The following RADIL variants were observed in gnomAD, a reference collection of about 807,000 sequenced individuals.
RADIL encodes Rap associating with DIL domain.
Under a neutral mutation model 97.6 loss-of-function variants are expected in RADIL, and 99 were observed. That is an observed-to-expected ratio of 1.01 (90% CI 0.86 to 1.20). The LOEUF is 1.20. RADIL is among the 50% of genes most tolerant of loss of function. The pLI is 0.00. For missense variants in RADIL, 1,765 were observed against 1,498.9 expected, an observed-to-expected ratio of 1.18 and a Z score of -2.93; for synonymous variants, 803 against 691.8, an observed-to-expected ratio of 1.16 and a Z score of -2.52.
At chr7:4,844,309 G>C (rs928188333) in intron 2 of RADIL, among the ~76,000 whole-genome samples, 7 of 151,822 alleles carry the variant, frequency 4.6e-5, no homozygotes, top group African/African-American at 1.7e-4. Context: ...GCTGAGTGTG[G>C]TGGCACGCGC....
intron 12 of RADIL, 21 bp downstream of exon 12, chr7:4,801,632 T>TGGGTGACAAGAAG: frequency 6.3e-7 from 1 of 1,575,064 alleles, no homozygotes; most frequent in Non-Finnish European, 8.6e-7. Context: ...GGTTCCCGCC[T>TGGGTGACAAGAAG]GAGCACCAGG....
At chr7:4,877,569 A>G (rs1583331246) in intron 2 of RADIL, 36 bp downstream of exon 2, 1 of 1,559,478 alleles carries the variant, frequency 6.4e-7, no homozygotes, top group African/African-American at 1.4e-5. Flanking sequence ...CAGCGCTCAG[A>G]CCCACGGCTC....
At position 4,799,056 on chromosome 7, in the gene RADIL, G is replaced by T; in HGVS notation, c.*322C>A. The T allele has an allele frequency of 3.1e-6, 1 of 319,082 alleles. No homozygotes were observed. Among genetic ancestry groups the T allele is most frequent in the Non-Finnish European group, 6.0e-6 (1 of 166,794 alleles). The allele number at this position is 319,082 out of a possible 1,614,324, so 19.8% of individuals were successfully genotyped here. ...CATGGGGAGCCCCTGCGGCCCCTCCGAGCAGCCCACGCCTGCTGCCCGAGT... is the reference window on the plus strand; with the variant it reads ...CATGGGGAGCCCCTGCGGCCCCTCCTAGCAGCCCACGCCTGCTGCCCGAGT... On this transcript the variant is annotated 3_prime_UTR_variant, in exon 15 of 15. Transcript: ENST00000399583.
chr7:4,815,560 C>T lies in RADIL; in HGVS notation c.1967-110G>A. ...CCCGGCTCTGGGCCACTGAGGACAT[C>T]ACAGCTCGATGACAGGCAGGACACC... On this transcript the variant is annotated intron_variant, in intron 8 of 14. Transcript: ENST00000399583. The surrounding 1 kb of genome is among the most constrained non-coding windows in gnomAD (Gnocchi z 8.0). The T allele has an allele frequency of 8.3e-7, 1 of 1,203,242 alleles. No homozygotes were observed. The highest frequency in any genetic ancestry group is 1.7e-5 in the South Asian group (1 of 57,366). 74.5% of individuals were successfully genotyped at this position (1,203,242 alleles called of 1,614,324 possible). A position where few individuals can be genotyped will look rare whatever the true frequency, so the allele number is the denominator to read the frequency against.
intron 4 of RADIL, 83 bp from the exon 5 acceptor site, chr7:4,832,261 A>C (rs1783165691): frequency 7.3e-7 from 1 of 1,379,310 alleles, no homozygotes; most frequent in Non-Finnish European, 1.0e-6. Flanking sequence ...TACCATCGAC[A>C]GGAAAACAAG....
rs1051736019 is a variant in RADIL at position 4,872,841 on chromosome 7, G to A, written c.535+4764C>T. 1.1e-4 allele frequency among the ~76,000 whole-genome samples: 16 copies of A among 152,212 alleles called. No homozygotes were observed. The highest frequency in any genetic ancestry group is 3.6e-4 in the African/African-American group (15 of 41,442). On this transcript the variant is annotated intron_variant, in intron 2 of 14. Transcript: ENST00000399583. This position sits in a 1 kb window ranked among gnomAD's most constrained non-coding sequence, Gnocchi z 5.8. The stretch of plus-strand genomic sequence containing the variant: ...CACCTTCCCCACCAGACTCTGTAGG[G>A]GAGTCCGAGGTGAGGGGCAGGGGAG...
chr7:4,847,664 A>C (rs1488642096), intron 2 of RADIL, among the ~76,000 whole-genome samples: 3 of 150,548 alleles, frequency 2.0e-5, no homozygotes, highest in Non-Finnish European at 4.4e-5. Flanking sequence ...AGCAATGAAA[A>C]GGAACAAAAT....
At chr7:4,799,807 G>C in intron 13 of RADIL, 38 bp from the exon 14 acceptor site, 2 of 1,467,156 alleles carry the variant, frequency 1.4e-6, no homozygotes, top group Non-Finnish European at 1.8e-6. Flanking sequence ...CCGCAGGCCC[G>C]ACTGGCTGTC....
At chr7:4,833,465 C>A (rs545230410) in intron 4 of RADIL, among the ~76,000 whole-genome samples, 2 of 152,244 alleles carry the variant, frequency 1.3e-5, no homozygotes, top group Admixed American at 1.3e-4. Flanking sequence ...AGTGGCACTC[C>A]CATCAAATCC....
At position 4,834,472 on chromosome 7, in the gene RADIL, G is replaced by A. The variant is rs1783235652; in HGVS notation, c.1416+135C>T. The A allele has an allele frequency of 2.1e-5, 22 of 1,065,018 alleles. No individual in the cohort carries two copies. The highest frequency in any genetic ancestry group is 2.6e-5 in the Non-Finnish European group (22 of 836,408). 66.0% of individuals were successfully genotyped at this position (1,065,018 alleles called of 1,614,324 possible). On this transcript the variant is annotated intron_variant, in intron 4 of 14. Coordinates refer to ENST00000399583, the MANE Select transcript of RADIL (RefSeq NM_018059.5). The surrounding 1 kb of genome is among the most constrained non-coding windows in gnomAD (Gnocchi z 6.0). ...GGGGGGCAGCGACAGGCAGGGAAAG[G>A]CCGCCCTGCGCTCAGCAGCACAGCA... is the stretch of plus-strand genomic sequence containing the variant.
At chr7:4,823,606 C>T (rs926797911) in intron 5 of RADIL, among the ~76,000 whole-genome samples, 7 of 152,160 alleles carry the variant, frequency 4.6e-5, no homozygotes, top group African/African-American at 1.4e-4. Flanking sequence ...CCTTCCGGCT[C>T]AGTGCTCCCT....
At chr7:4,836,735 C>T (rs1583295701) in intron 2 of RADIL, 130 bp from the exon 3 acceptor site, 2 of 1,238,238 alleles carry the variant, frequency 1.6e-6, no homozygotes, top group Non-Finnish European at 2.3e-6. Flanking sequence ...GTCAGGAGCT[C>T]GAGACCAGCC....
rs963007976 is a variant in RADIL at position 4,798,553 on chromosome 7, G to A, written c.*825C>T. ...CCACGCTGTCACCCCGAGGCAGCAA[G>A]TGCCCTGCCCTGGTCCTGCGCATGG... On this transcript the variant is annotated 3_prime_UTR_variant, in exon 15 of 15. Transcript: ENST00000399583. 3 of 152,724 alleles carry A rather than the reference G, an allele frequency of 2.0e-5. No homozygotes were observed. Among genetic ancestry groups the A allele is most frequent in the African/African-American group, 7.2e-5 (3 of 41,484 alleles). 9.5% of individuals were successfully genotyped at this position (152,724 alleles called of 1,614,324 possible).
Position 4,834,996 on chromosome 7 carries a change from C to G in RADIL, c.1027G>C (p.Asp343His). 6.2e-7 allele frequency: 1 copy of G among 1,611,266 alleles called. No homozygotes were observed. The change falls in exon 4 of 15, where the codon GAC becomes CAC. Residue 343 changes from aspartate to histidine, a missense_variant. Coordinates refer to ENST00000399583, the MANE Select transcript of RADIL (RefSeq NM_018059.5). The surrounding 1 kb of genome is among the most constrained non-coding windows in gnomAD (Gnocchi z 6.0). Reference sequence around the variant, plus strand: ...TAGTAGAGCCCCAGGGAGAGCAGGTCCCCGTGGTGCAGCACCACGGTCCTG... The same window carrying G: ...TAGTAGAGCCCCAGGGAGAGCAGGTGCCCGTGGTGCAGCACCACGGTCCTG... ...GHRTVVLHHG[D>H]LLSLGLYYLL...
chr7:4,862,425 C>A (rs976534178), intron 2 of RADIL, among the ~76,000 whole-genome samples: 1 of 152,136 alleles, frequency 6.6e-6, no homozygotes, highest in African/African-American at 2.4e-5. Flanking sequence ...ATTTCGAGGT[C>A]GACATTTGTG....
intron 10 of RADIL, chr7:4,805,300 G>A (rs1782264538): frequency 2.4e-6 from 1 of 417,482 alleles, no homozygotes; most frequent in African/African-American, 2.0e-5. Context: ...GAGGGAACGA[G>A]GGGGCCTTGG....
rs765161020 is a variant in RADIL, at chr7:4,807,986, CCT to C, written c.2140-2272_2140-2271del. Among the ~76,000 whole-genome samples the C allele has an allele frequency of 9.9e-4, 66 of 66,976 alleles. 1 individual carries two copies. The highest frequency in any genetic ancestry group is 1.0e-3 in the Non-Finnish European group (36 of 35,112). 43.9% of individuals were successfully genotyped at this position (66,976 alleles called of 152,430 possible). A position where few individuals can be genotyped will look rare whatever the true frequency, so the allele number is the denominator to read the frequency against. Reference sequence around the variant, plus strand: ...CTCTCCTCTCCCTCCTCCCTCTCTCCCTGTCTCTCTCCCCTCCCTCCTCCCTC... The same window carrying C: ...CTCTCCTCTCCCTCCTCCCTCTCTCCGTCTCTCTCCCCTCCCTCCTCCCTC... On this transcript the variant is annotated intron_variant, in intron 9 of 14. Coordinates refer to ENST00000399583, the MANE Select transcript of RADIL (RefSeq NM_018059.5).
chr7:4,827,709 A>G (rs1168675190), intron 5 of RADIL, among the ~76,000 whole-genome samples: 2 of 152,216 alleles, frequency 1.3e-5, no homozygotes, highest in Non-Finnish European at 2.9e-5. Context: ...ACCAATCTTC[A>G]TTAAAGAAAG....
chr7:4,799,261 G>C lies in RADIL; in HGVS notation c.*117C>G, dbSNP rs926985950. 4 of 896,840 alleles carry C rather than the reference G, an allele frequency of 4.5e-6. No homozygotes were observed. Among genetic ancestry groups the C allele is most frequent in the South Asian group, 3.0e-5 (2 of 65,914 alleles). The allele number at this position is 896,840 out of a possible 1,614,324, so 55.6% of individuals were successfully genotyped here. A position where few individuals can be genotyped will look rare whatever the true frequency, so the allele number is the denominator to read the frequency against. On this transcript the variant is annotated 3_prime_UTR_variant, in exon 15 of 15. Transcript: ENST00000399583. ...TCAACAGGCATGTCCCCAGGGTGAG[G>C]CTCCCCACCCGGGACCCAACTTGGT...
Sources: allele counts gnomAD v4.1 joint callset (sites outside exome capture counted in the v4.1 genomes callset), GRCh38; gene constraint gnomAD v4.1.1; non-coding constraint Gnocchi (gnomAD v3.1); transcripts MANE v1.5; gene names NCBI Gene and HGNC (gene_info 2026-07-23, HGNC 2026-07-21).